Variants in MLF1 observed in about 807,000 individuals in gnomAD.
MLF1 encodes the protein myelodysplasia-myeloid leukemia factor 1.
Under a neutral mutation model 38.3 loss-of-function variants are expected in MLF1, and 37 were observed. That is an observed-to-expected ratio of 0.96 (90% CI 0.74 to 1.27). MLF1 has a LOEUF of 1.27. Ranked by LOEUF, MLF1 falls within the 50% of genes most tolerant of loss-of-function variation. The pLI is 0.00. For missense variants in MLF1, 331 were observed against 349.2 expected (o/e 0.95, Z 0.42); for synonymous variants, 95 against 106.5 (o/e 0.89, Z 0.66).
chr3:158,592,317 CTCT>C, intron 1 of MLF1, 114 bp from the exon 2 acceptor site: 2 of 792,082 alleles, frequency 2.5e-6, no homozygotes, highest in Non-Finnish European at 1.9e-6. Flanking sequence ...TTCTCTTCTA[CTCT>C]TCTTTTATCT....
chr3:158,605,338 C>A lies in MLF1; in HGVS notation c.*136C>A. 1.7e-6 allele frequency: 1 copy of A among 576,720 alleles called. No homozygotes were observed. The highest frequency in any genetic ancestry group is 3.0e-6 in the Non-Finnish European group (1 of 334,810). 35.7% of individuals were successfully genotyped at this position (576,720 alleles called of 1,614,324 possible). On this transcript the variant is annotated 3_prime_UTR_variant, in exon 8 of 8. Transcript: ENST00000466246. ...AACTTTCTTCTGATATCTGAATGTTCATGAAGGTCCTAGCTTTATATTGTC... is the reference window on the plus strand; with the variant it reads ...AACTTTCTTCTGATATCTGAATGTTAATGAAGGTCCTAGCTTTATATTGTC...
rs1437334686 is a variant in MLF1 at position 158,582,600 on chromosome 3, G to A, written c.48-9834G>A. 6 of 323,116 alleles carry A rather than the reference G, an allele frequency of 1.9e-5. No homozygotes were observed. In the East Asian group the frequency reaches 2.7e-4, roughly 15 times the overall value. The allele number at this position is 323,116 out of a possible 1,614,324, so 20.0% of individuals were successfully genotyped here. ...AAGAAATCTTGAAAGAAGCTAGAGG[G>A]GGAATAAAAACCTGTAGAAGAGCAA... is the stretch of plus-strand genomic sequence containing the variant. On this transcript the variant is annotated intron_variant, in intron 1 of 7. Transcript: ENST00000466246.
intron 3 of MLF1, 106 bp downstream of exon 3, chr3:158,593,532 G>A (rs1718471099): frequency 3.5e-6 from 3 of 850,484 alleles, no homozygotes. Flanking sequence ...CTTCCATAAT[G>A]GCTTTTTAAT....
intron 3 of MLF1, among the ~76,000 whole-genome samples, chr3:158,594,315 G>A (rs948543920): frequency 6.6e-5 from 10 of 152,042 alleles, no homozygotes; most frequent in African/African-American, 1.9e-4. Context: ...AAGGAGGGAG[G>A]GGAAAGGAAT....
chr3:158,602,557 T>G (rs762969271), intron 6 of MLF1, among the ~76,000 whole-genome samples: 1 of 152,176 alleles, frequency 6.6e-6, no homozygotes, highest in Non-Finnish European at 1.5e-5. Context: ...TTGGGTAGAA[T>G]AATATGTTAT....
chr3:158,576,173 T>C (rs1272206960), intron 1 of MLF1, among the ~76,000 whole-genome samples: 12 of 152,238 alleles, frequency 7.9e-5, no homozygotes, highest in Non-Finnish European at 1.3e-4. Flanking sequence ...TTTGGTGTTT[T>C]ATTACATACT....
At chr3:158,585,128 C>A (rs757305144) in intron 1 of MLF1, among the ~76,000 whole-genome samples, 1 of 151,632 alleles carries the variant, frequency 6.6e-6, no homozygotes, top group Admixed American at 6.6e-5. Context: ...GAAATCTGAT[C>A]CCTAACATTG....
intron 1 of MLF1, among the ~76,000 whole-genome samples, chr3:158,579,509 A>T (rs1716004354): frequency 6.6e-6 from 1 of 152,182 alleles, no homozygotes; most frequent in Non-Finnish European, 1.5e-5. Flanking sequence ...TCACTCAGAA[A>T]GATAAAATTT....
At chr3:158,588,600 C>CAAAA (rs67267045) in intron 1 of MLF1, among the ~76,000 whole-genome samples, 1 of 51,264 alleles carries the variant, frequency 2.0e-5, no homozygotes. Flanking sequence ...GACTCCGTCT[C>CAAAA]AAAAAAAAAA....
intron 1 of MLF1, among the ~76,000 whole-genome samples, chr3:158,591,309 G>A (rs1489329391): frequency 6.6e-6 from 1 of 151,730 alleles, no homozygotes; most frequent in African/African-American, 2.4e-5. Context: ...ATAGGCGTAC[G>A]TCACCACACC....
At chr3:158,598,229 C>G in intron 5 of MLF1, 21 bp downstream of exon 5, 2 of 1,603,894 alleles carry the variant, frequency 1.2e-6, no homozygotes, top group Admixed American at 1.8e-5. Context: ...TATAAGCATT[C>G]CTAAAGTTTT....
intron 3 of MLF1, among the ~76,000 whole-genome samples, chr3:158,594,158 G>A (rs1008932641): frequency 1.3e-5 from 2 of 152,024 alleles, no homozygotes; most frequent in Admixed American, 6.6e-5. Flanking sequence ...ACAAAAAAAA[G>A]CAGTTATAAC....
chr3:158,601,805 T>TA (rs1719800575), intron 6 of MLF1, among the ~76,000 whole-genome samples: 1 of 89,178 alleles, frequency 1.1e-5, no homozygotes, highest in South Asian at 4.3e-4. Flanking sequence ...ATAAAATTAT[T>TA]CTTTTTTTTT....
intron 1 of MLF1, among the ~76,000 whole-genome samples, chr3:158,575,818 T>C (rs1295137145): frequency 6.6e-6 from 1 of 152,162 alleles, no homozygotes; most frequent in Admixed American, 6.5e-5. Flanking sequence ...ACTGGTATTT[T>C]CTAATTAGAA....
chr3:158,603,812 C>A (rs544708989), intron 7 of MLF1, among the ~76,000 whole-genome samples: 12 of 152,232 alleles, frequency 7.9e-5, no homozygotes, highest in Non-Finnish European at 1.5e-4. Flanking sequence ...GCACTACAGC[C>A]TGAGTGACAG....
At chr3:158,576,709 G>T (rs868094276) in intron 1 of MLF1, among the ~76,000 whole-genome samples, 19 of 139,558 alleles carry the variant, frequency 1.4e-4, no homozygotes, top group Middle Eastern at 4.3e-3. Context: ...GTCTGGCACT[G>T]TTGCCCAGGC....
At chr3:158,587,782 C>T (rs768968957) in intron 1 of MLF1, among the ~76,000 whole-genome samples, 3 of 152,154 alleles carry the variant, frequency 2.0e-5, no homozygotes, top group Non-Finnish European at 4.4e-5. Flanking sequence ...GGGCAGATCA[C>T]GAGGTCAGGA....
At chr3:158,583,633 C>G (rs965638999) in intron 1 of MLF1, among the ~76,000 whole-genome samples, 2 of 152,132 alleles carry the variant, frequency 1.3e-5, no homozygotes, top group African/African-American at 4.8e-5. Flanking sequence ...GATATTGAAC[C>G]AAACTGTAGG....
chr3:158,590,855 A>G (rs1013531682), intron 1 of MLF1: 22 of 448,166 alleles, frequency 4.9e-5, no homozygotes, highest in Admixed American at 2.7e-4. Flanking sequence ...AAAATTGGTA[A>G]ATTTCGTTGA....
Sources: allele counts gnomAD v4.1 joint callset (sites outside exome capture counted in the v4.1 genomes callset), GRCh38; gene constraint gnomAD v4.1.1; transcripts MANE v1.5; gene names NCBI Gene and HGNC (gene_info 2026-07-23, HGNC 2026-07-21).